Variants in MAGI2 observed in about 807,000 individuals in gnomAD.
MAGI2 encodes membrane-associated guanylate kinase, WW and PDZ domain-containing protein 2.
MAGI2 carries 35 observed loss-of-function variants against 133.3 expected under a neutral mutation model. The ratio of observed to expected loss-of-function variants is 0.26; its 90% CI spans 0.20 to 0.35. The LOEUF is 0.35. MAGI2 is among the 10% of genes least tolerant of loss of function. The pLI is 1.00. For missense variants in MAGI2, 1,636 were observed against 1,863.4 expected (o/e 0.88, Z 2.25); for synonymous variants, 729 against 710.6 (o/e 1.03, Z -0.41).
intron 21 of MAGI2, among the ~76,000 whole-genome samples, chr7:78,061,509 C>T (rs2023950): frequency 0.73 from 110,202 of 151,514 alleles, 40,268 homozygotes; most frequent in East Asian, 0.88. Flanking sequence ...GGGTTGATGG[C>T]CCCTTAATTA....
rs1189571467 is a variant in MAGI2 at position 78,019,299 on chromosome 7, G to A, written c.*16C>T. On this transcript the variant is annotated 3_prime_UTR_variant, in exon 22 of 22. Transcript: ENST00000354212. ...TGCCTGCGCCGGGGCGGGCGGGTTG[G>A]CCGTGGCCGCGCGGCTCATCTGCTG... The A allele has an allele frequency of 1.3e-6, 2 of 1,571,684 alleles. No homozygotes were observed. The highest frequency in any genetic ancestry group is 3.5e-5 in the Admixed American group (2 of 56,616).
At chr7:78,558,275 T>TC (rs1451516072) in intron 3 of MAGI2, among the ~76,000 whole-genome samples, 3 of 152,142 alleles carry the variant, frequency 2.0e-5, no homozygotes. Context: ...GAAACGTGGG[T>TC]CTTCTGCTAG....
At chr7:79,151,037 T>C (rs942548689) in intron 1 of MAGI2, among the ~76,000 whole-genome samples, 4 of 152,062 alleles carry the variant, frequency 2.6e-5, no homozygotes, top group Admixed American at 1.3e-4. Context: ...TTTTCTGAGA[T>C]GACCAGGCAG....
chr7:78,979,090 A>G (rs1452403731), intron 2 of MAGI2, among the ~76,000 whole-genome samples: 1 of 151,886 alleles, frequency 6.6e-6, no homozygotes, highest in African/African-American at 2.4e-5. Context: ...ACATGGTTAC[A>G]CATAGAAGTA....
At chr7:78,124,754 T>C (rs1820802334) in intron 20 of MAGI2, among the ~76,000 whole-genome samples, 2 of 152,286 alleles carry the variant, frequency 1.3e-5, no homozygotes, top group African/African-American at 4.8e-5. Flanking sequence ...AGCTTTGTTT[T>C]ATACCCTTAA....
intron 1 of MAGI2, among the ~76,000 whole-genome samples, chr7:79,198,348 C>G (rs1224961259): frequency 6.6e-6 from 1 of 151,834 alleles, no homozygotes; most frequent in Non-Finnish European, 1.5e-5. Flanking sequence ...GGTTCCCTCT[C>G]CTGTCCTTTT....
chr7:78,330,025 A>G (rs1789004306), intron 9 of MAGI2, among the ~76,000 whole-genome samples: 1 of 152,226 alleles, frequency 6.6e-6, no homozygotes, highest in Admixed American at 6.5e-5. Flanking sequence ...AAGGGTGAAC[A>G]TCCTAAGAGT....
At chr7:78,148,620 G>C (rs1322303498) in intron 16 of MAGI2, among the ~76,000 whole-genome samples, 1 of 152,184 alleles carries the variant, frequency 6.6e-6, no homozygotes, top group African/African-American at 2.4e-5. Flanking sequence ...AGGGTTGGAA[G>C]TCTTCAGAGA....
At chr7:78,974,120 T>C (rs1461532288) in intron 2 of MAGI2, among the ~76,000 whole-genome samples, 2 of 151,844 alleles carry the variant, frequency 1.3e-5, no homozygotes, top group African/African-American at 2.4e-5. Context: ...ACATGTGTTT[T>C]TTGAAAAACT....
intron 3 of MAGI2, among the ~76,000 whole-genome samples, chr7:78,592,669 C>T (rs1216284264): frequency 2.0e-5 from 3 of 151,998 alleles, no homozygotes; most frequent in African/African-American, 4.8e-5. Context: ...TCTATTTTGT[C>T]TAAGCAATGA....
At chr7:78,581,974 T>C (rs1476235742) in intron 3 of MAGI2, among the ~76,000 whole-genome samples, 1 of 152,152 alleles carries the variant, frequency 6.6e-6, no homozygotes, top group African/African-American at 2.4e-5. Flanking sequence ...ACCTCTTACA[T>C]GAGAATCTTA....
At chr7:78,719,847 T>C (rs1820093289) in intron 2 of MAGI2, among the ~76,000 whole-genome samples, 1 of 152,192 alleles carries the variant, frequency 6.6e-6, no homozygotes, top group Non-Finnish European at 1.5e-5. Context: ...TTTGTGATTA[T>C]TTTCTTGAAA....
chr7:78,531,571 C>G (rs1274884913), intron 3 of MAGI2, among the ~76,000 whole-genome samples: 1 of 152,096 alleles, frequency 6.6e-6, no homozygotes, highest in Non-Finnish European at 1.5e-5. Flanking sequence ...CCCGTCATGG[C>G]TCAGTACGTA....
At chr7:79,237,065 A>G (rs1831977359) in intron 1 of MAGI2, among the ~76,000 whole-genome samples, 1 of 152,168 alleles carries the variant, frequency 6.6e-6, no homozygotes, top group African/African-American at 2.4e-5. Flanking sequence ...AAATAACTTG[A>G]ATAGACAGCT....
chr7:78,810,529 A>G (rs1039510786), intron 2 of MAGI2, among the ~76,000 whole-genome samples: 1 of 152,124 alleles, frequency 6.6e-6, no homozygotes, highest in African/African-American at 2.4e-5. Context: ...ATATTAGTGC[A>G]TTGGTAGGAA....
chr7:78,536,595 A>G (rs566879579), intron 3 of MAGI2, among the ~76,000 whole-genome samples: 1 of 152,286 alleles, frequency 6.6e-6, no homozygotes, highest in Admixed American at 6.5e-5. Flanking sequence ...TTAGGAAGGA[A>G]CTAATATGAG....
intron 1 of MAGI2, among the ~76,000 whole-genome samples, chr7:79,382,420 A>G (rs1055376423): frequency 6.6e-6 from 1 of 151,626 alleles, no homozygotes; most frequent in Non-Finnish European, 1.5e-5. Flanking sequence ...TCATTGCATC[A>G]TAACATCTAG....
At chr7:79,017,994 C>G (rs779076902) in intron 1 of MAGI2, among the ~76,000 whole-genome samples, 5 of 152,116 alleles carry the variant, frequency 3.3e-5, no homozygotes, top group Non-Finnish European at 7.4e-5. Flanking sequence ...AGAAACCAAG[C>G]AACTTGGAAA....
intron 1 of MAGI2, among the ~76,000 whole-genome samples, chr7:79,152,088 G>A (rs532755763): frequency 6.6e-6 from 1 of 152,262 alleles, no homozygotes; most frequent in Non-Finnish European, 1.5e-5. Context: ...GAAATAATGT[G>A]TGGTTTATCA....
Sources: gnomAD v4.1 joint callset for allele counts (sites outside exome capture counted in the v4.1 genomes callset) on GRCh38, gnomAD v4.1.1 for gene constraint, MANE v1.5 for transcripts, NCBI Gene and HGNC (gene_info 2026-07-23, HGNC 2026-07-21) for gene names.